Variants in DENND2B observed in about 807,000 individuals in gnomAD.
The protein encoded by DENND2B is DENN domain-containing protein 2B.
A neutral mutation model predicts 116.0 loss-of-function variants in DENND2B; 32 were observed. The observed-to-expected ratio is 0.28, with a 90% confidence interval of 0.21 to 0.37. DENND2B has a LOEUF of 0.37. Among genes scored for constraint, DENND2B ranks in the 10% least tolerant of loss-of-function variants. DENND2B has a pLI of 1.00. For synonymous variants in DENND2B, 588 were observed against 583.9 expected (o/e 1.01, Z -0.10); for missense variants, 1,276 against 1,477.7 (o/e 0.86, Z 2.24).
chr11:8,707,034 T>C lies in DENND2B; in HGVS notation c.2571+51A>G. On this transcript the variant is annotated intron_variant, in intron 13 of 19. Transcript: ENST00000313726. This position sits in a 1 kb window ranked among gnomAD's most constrained non-coding sequence, Gnocchi z 4.8. The stretch of plus-strand genomic sequence containing the variant: ...ACTACGACCTTGGCCAGCATGGTCC[T>C]CCTGCCACCCCAGCCCGTAGCCCGA... The C allele has an allele frequency of 6.3e-7, 1 of 1,578,354 alleles. No individual in the cohort carries two copies. The highest frequency in any genetic ancestry group is 1.3e-5 in the African/African-American group (1 of 74,460).
chr11:8,866,415 A>C (rs2063582487), intron 2 of DENND2B, among the ~76,000 whole-genome samples: 1 of 152,236 alleles, frequency 6.6e-6, no homozygotes, highest in South Asian at 2.1e-4. Context: ...AAATAAGGGC[A>C]TTGCCAAAGT....
At chr11:8,766,553 G>T in intron 1 of DENND2B, 1 of 1,181,772 alleles carries the variant, frequency 8.5e-7, no homozygotes, top group Non-Finnish European at 1.1e-6. Context: ...GGAGCAATGG[G>T]AACCAAGGAG....
At chr11:8,734,321 GT>G (rs567454704) in intron 2 of DENND2B, among the ~76,000 whole-genome samples, 103 of 145,940 alleles carry the variant, frequency 7.1e-4, no homozygotes, top group East Asian at 4.4e-3. Flanking sequence ...CATTAGTACT[GT>G]TTTTTTTTTT....
chr11:8,697,409 C>A, intron 17 of DENND2B, 116 bp downstream of exon 17: 1 of 749,768 alleles, frequency 1.3e-6, no homozygotes, highest in Non-Finnish European at 2.3e-6. Context: ...AGACCAAGGT[C>A]CTCATCAGCC....
intron 4 of DENND2B, among the ~76,000 whole-genome samples, chr11:8,725,446 C>G (rs888492528): frequency 1.3e-5 from 2 of 151,582 alleles, no homozygotes; most frequent in Non-Finnish European, 2.9e-5. Context: ...ACGATCTCAG[C>G]TCACTGCAAC....
At chr11:8,820,551 A>G (rs1217588373) in intron 4 of DENND2B, among the ~76,000 whole-genome samples, 1 of 152,200 alleles carries the variant, frequency 6.6e-6, no homozygotes, top group East Asian at 1.9e-4. Flanking sequence ...GCAACCCAAT[A>G]AAGAATGTTT....
At chr11:8,902,250 C>A (rs1415862199) in intron 1 of DENND2B, among the ~76,000 whole-genome samples, 3 of 151,204 alleles carry the variant, frequency 2.0e-5, no homozygotes, top group Non-Finnish European at 4.4e-5. Flanking sequence ...CACTTGAACC[C>A]AGGAGGCAGA....
chr11:8,714,097 T>A, intron 7 of DENND2B, 55 bp from the exon 8 acceptor site: 1 of 1,588,138 alleles, frequency 6.3e-7, no homozygotes. Context: ...CAATGTTTTT[T>A]GCTCCCCCAC....
chr11:8,815,152 G>A (rs1203074015), upstream of DENND2B, among the ~76,000 whole-genome samples: 1 of 151,968 alleles, frequency 6.6e-6, no homozygotes, highest in Admixed American at 6.6e-5. Context: ...GTTCTCTCAG[G>A]CCAGCAGCTC....
intron 2 of DENND2B, among the ~76,000 whole-genome samples, chr11:8,880,687 C>G (rs2063895202): frequency 2.0e-5 from 3 of 152,144 alleles, no homozygotes; most frequent in Admixed American, 2.0e-4. Context: ...CTAGAGGTAG[C>G]AAGACTTCGT....
chr11:8,821,069 G>C (rs2061742053), intron 4 of DENND2B, among the ~76,000 whole-genome samples: 1 of 150,864 alleles, frequency 6.6e-6, no homozygotes, highest in African/African-American at 2.4e-5. Flanking sequence ...GCAGTGAGCT[G>C]AGATCGTGTT....
At chr11:8,907,802 C>A (rs1166226338) in intron 1 of DENND2B, among the ~76,000 whole-genome samples, 2 of 152,062 alleles carry the variant, frequency 1.3e-5, no homozygotes, top group Non-Finnish European at 2.9e-5. Context: ...CTCAAGCAAT[C>A]CTCCCATCTC....
At chr11:8,900,955 G>A (rs1794320521) in intron 1 of DENND2B, among the ~76,000 whole-genome samples, 1 of 150,792 alleles carries the variant, frequency 6.6e-6, no homozygotes, top group South Asian at 2.2e-4. Flanking sequence ...GGCAACAAGA[G>A]TGAAACCTTG....
chr11:8,750,367 C>A (rs532949836), intron 2 of DENND2B, among the ~76,000 whole-genome samples: 2 of 152,234 alleles, frequency 1.3e-5, no homozygotes, highest in Admixed American at 6.5e-5. Context: ...AGAAGAACAT[C>A]AGCTGCTTCT....
chr11:8,883,860 G>T (rs1258200145), intron 1 of DENND2B, among the ~76,000 whole-genome samples: 1 of 152,166 alleles, frequency 6.6e-6, no homozygotes, highest in Non-Finnish European at 1.5e-5. Flanking sequence ...TCAAACTTTA[G>T]ATTAATAGAA....
At chr11:8,762,404 G>C (rs1030883925) in intron 1 of DENND2B, among the ~76,000 whole-genome samples, 6 of 152,290 alleles carry the variant, frequency 3.9e-5, no homozygotes, top group African/African-American at 1.4e-4. Context: ...CACAGTCCAG[G>C]CCCATCTCTA....
At chr11:8,884,572 G>A (rs915449345) in intron 1 of DENND2B, among the ~76,000 whole-genome samples, 3 of 152,146 alleles carry the variant, frequency 2.0e-5, no homozygotes, top group Non-Finnish European at 2.9e-5. Context: ...TACAGGATTG[G>A]GTTAAGGCAG....
upstream of DENND2B, chr11:8,811,376 G>T (rs1441362691): frequency 1.0e-5 from 4 of 398,458 alleles, no homozygotes; most frequent in Non-Finnish European, 1.8e-5. Context: ...GGACCAGGAA[G>T]AATCCTGGGC....
chr11:8,799,370 T>C (rs2060112550), intron 1 of DENND2B, among the ~76,000 whole-genome samples: 1 of 152,174 alleles, frequency 6.6e-6, no homozygotes, highest in African/African-American at 2.4e-5. Context: ...ATCAGGAGGT[T>C]GGAGAGAGGC....
Sources: gnomAD v4.1 joint callset for allele counts (sites outside exome capture counted in the v4.1 genomes callset) on GRCh38, gnomAD v4.1.1 for gene constraint, Gnocchi (gnomAD v3.1) non-coding constraint, MANE v1.5 for transcripts, NCBI Gene and HGNC (gene_info 2026-07-23, HGNC 2026-07-21) for gene names.